LYN: variants seen among roughly 807,000 people sequenced by gnomAD.
The protein encoded by LYN is tyrosine-protein kinase Lyn.
Under a neutral mutation model 65.0 loss-of-function variants are expected in LYN, and 12 were observed. That is an observed-to-expected ratio of 0.18 (90% CI 0.12 to 0.30). The LOEUF (loss-of-function observed/expected upper bound fraction) is 0.30, where lower values mean the gene tolerates loss of function less well. LYN is among the 10% of genes least tolerant of loss of function. The pLI is 1.00. For missense variants in LYN, 380 were observed against 623.2 expected, an observed-to-expected ratio of 0.61 and a Z score of 4.16; for synonymous variants, 222 against 221.2, an observed-to-expected ratio of 1.00 and a Z score of -0.03.
At chr8:55,891,029 A>G (rs910942355) in intron 1 of LYN, among the ~76,000 whole-genome samples, 21 of 150,092 alleles carry the variant, frequency 1.4e-4, no homozygotes, top group African/African-American at 5.1e-4. Flanking sequence ...GTGCCCAGCC[A>G]TACAATGGAA....
intron 1 of LYN, among the ~76,000 whole-genome samples, chr8:55,897,808 G>T (rs1805159431): frequency 1.3e-5 from 2 of 152,084 alleles, no homozygotes; most frequent in South Asian, 4.1e-4. Flanking sequence ...AGCTACTCAG[G>T]AGGCTGAGTT....
intron 1 of LYN, among the ~76,000 whole-genome samples, chr8:55,907,679 C>T (rs1275092854): frequency 1.3e-5 from 2 of 152,022 alleles, no homozygotes; most frequent in African/African-American, 2.4e-5. Context: ...CCAGCCTAGG[C>T]AACATAGGGA....
At chr8:55,902,288 G>T (rs926269129) in intron 1 of LYN, among the ~76,000 whole-genome samples, 2 of 151,440 alleles carry the variant, frequency 1.3e-5, no homozygotes, top group Non-Finnish European at 2.9e-5. Context: ...GATGATAGGC[G>T]TGAGCCATTG....
chr8:55,977,645 G>T (rs1320843137), intron 10 of LYN, among the ~76,000 whole-genome samples: 1 of 151,938 alleles, frequency 6.6e-6, no homozygotes, highest in African/African-American at 2.4e-5. Context: ...TGGCACAGTG[G>T]CTCATGCCTG....
intron 4 of LYN, among the ~76,000 whole-genome samples, chr8:55,949,548 T>A (rs930483268): frequency 5.9e-5 from 9 of 152,230 alleles, no homozygotes; most frequent in African/African-American, 2.2e-4. Flanking sequence ...ATATAAACAC[T>A]TTTTTCCTTT....
chr8:55,929,399 G>C (rs1286244158), intron 1 of LYN, among the ~76,000 whole-genome samples: 1 of 152,176 alleles, frequency 6.6e-6, no homozygotes, highest in African/African-American at 2.4e-5. Flanking sequence ...CCAGATCTGT[G>C]TATGTGTCTT....
At chr8:55,982,064 G>A (rs1256228799) in intron 10 of LYN, among the ~76,000 whole-genome samples, 1 of 152,178 alleles carries the variant, frequency 6.6e-6, no homozygotes, top group Non-Finnish European at 1.5e-5. Flanking sequence ...CTCAGCACCT[G>A]TTGGCAGAGG....
At chr8:55,904,205 A>G (rs1201291605) in intron 1 of LYN, among the ~76,000 whole-genome samples, 1 of 152,216 alleles carries the variant, frequency 6.6e-6, no homozygotes, top group Non-Finnish European at 1.5e-5. Context: ...TTTAAATAAA[A>G]TATACCCTGA....
chr8:56,005,441 T>A (rs1808645179), intron 12 of LYN, among the ~76,000 whole-genome samples: 1 of 152,226 alleles, frequency 6.6e-6, no homozygotes, highest in Admixed American at 6.5e-5. Context: ...CCAGGTACTG[T>A]CCTGCCCTCG....
intron 1 of LYN, among the ~76,000 whole-genome samples, chr8:55,883,898 T>A (rs571837586): frequency 2.0e-5 from 3 of 152,170 alleles, no homozygotes; most frequent in Non-Finnish European, 2.9e-5. Flanking sequence ...AAAGATTTCT[T>A]ACAGCTGTCT....
At chr8:55,941,200 C>A (rs1037344076) in intron 1 of LYN, among the ~76,000 whole-genome samples, 1 of 152,160 alleles carries the variant, frequency 6.6e-6, no homozygotes, top group African/African-American at 2.4e-5. Flanking sequence ...TTGCACACTG[C>A]AGATTGGATG....
intron 8 of LYN, among the ~76,000 whole-genome samples, chr8:55,963,897 T>G (rs1417048924): frequency 6.6e-6 from 1 of 152,210 alleles, no homozygotes; most frequent in Non-Finnish European, 1.5e-5. Context: ...CTCATGTAAC[T>G]TAGGGTTAGA....
chr8:55,922,351 A>G (rs909026478), intron 1 of LYN, among the ~76,000 whole-genome samples: 1 of 152,066 alleles, frequency 6.6e-6, no homozygotes, highest in Non-Finnish European at 1.5e-5. Context: ...CAGCCTCCCC[A>G]AGTGCTGGGA....
chr8:55,900,065 C>G (rs1226174337), intron 1 of LYN, among the ~76,000 whole-genome samples: 1 of 152,176 alleles, frequency 6.6e-6, no homozygotes, highest in Non-Finnish European at 1.5e-5. Flanking sequence ...CTCCAGGAAT[C>G]TAATGCGCTG....
At position 56,002,803 on chromosome 8, in the gene LYN, C is replaced by T. The variant is rs141211094; in HGVS notation, c.1336+3254C>T. 1.2e-3 allele frequency among the ~76,000 whole-genome samples: 177 copies of T among 152,124 alleles called. 3 individuals are homozygous for T. The highest frequency in any genetic ancestry group is 5.2e-3 in the South Asian group (25 of 4,824). ...GGGATGTGAGATATCTTCAGGAGAT[C>T]GGGATCAGTAAATTTTTTAGTCACG... is the stretch of plus-strand genomic sequence containing the variant. On this transcript the variant is annotated intron_variant, in intron 12 of 12. Transcript: ENST00000519728.
At chr8:55,991,875 A>T (rs1406688020) in intron 10 of LYN, among the ~76,000 whole-genome samples, 1 of 152,220 alleles carries the variant, frequency 6.6e-6, no homozygotes, top group Non-Finnish European at 1.5e-5. Context: ...CAAAAAAAGA[A>T]ACTAAAAAAT....
chr8:55,925,834 T>G (rs1806094141), intron 1 of LYN, among the ~76,000 whole-genome samples: 1 of 152,194 alleles, frequency 6.6e-6, no homozygotes, highest in Admixed American at 6.5e-5. Flanking sequence ...AAGTAAATCA[T>G]TATAGCTCAT....
chr8:55,901,039 T>C (rs1415662040), intron 1 of LYN, among the ~76,000 whole-genome samples: 1 of 152,178 alleles, frequency 6.6e-6, no homozygotes, highest in African/African-American at 2.4e-5. Context: ...AGTGCCTCTA[T>C]GATGCCTGAG....
rs140614548 is a variant in LYN at position 55,941,902 on chromosome 8, G to A, written c.43G>A (p.Asp15Asn). The change falls in exon 2 of 13, where the codon GAT becomes AAT. Residue 15 changes from aspartate to asparagine, a missense_variant. By Grantham distance (23) the Asp-to-Asn change is conservative (BLOSUM62 1). Transcript: ENST00000519728. ...AAAAGGGAAAGACAGCTTGAGTGAC[G>A]ATGGAGTAGATTTGAAGACTCAACC... Reference protein sequence around the residue: ...KSKGKDSLSDDGVDLKTQPVR... With the variant: ...KSKGKDSLSDNGVDLKTQPVR... 1.2e-6 allele frequency: 2 copies of A among 1,612,212 alleles called. No individual in the cohort carries two copies. The highest frequency in any genetic ancestry group is 2.7e-5 in the African/African-American group (2 of 74,876).
Sources: gnomAD v4.1 joint callset for allele counts (sites outside exome capture counted in the v4.1 genomes callset) on GRCh38, gnomAD v4.1.1 for gene constraint, MANE v1.5 for transcripts, NCBI Gene and HGNC (gene_info 2026-07-23, HGNC 2026-07-21) for gene names.